DET1: variants seen among roughly 807,000 people sequenced by gnomAD.
The protein encoded by DET1 is DET1 partner of COP1 E3 ubiquitin ligase, also known as DET1 homolog.
In DET1, 22 loss-of-function variants were observed where a neutral mutation model predicts 43.7. The ratio of observed to expected loss-of-function variants is 0.50; its 90% confidence interval spans 0.36 to 0.72. The LOEUF (loss-of-function observed/expected upper bound fraction) is 0.72, where lower values mean the gene tolerates loss of function less well. DET1 is among the 30% of genes least tolerant of loss of function. The pLI is 0.00. For missense variants in DET1, 713 were observed against 713.3 expected, an observed-to-expected ratio of 1.00 and a Z score of 0.00; for synonymous variants, 315 against 266.2, an observed-to-expected ratio of 1.18 and a Z score of -1.79.
chr15:88,531,267 A>G lies in DET1; in HGVS notation c.439T>C (p.Phe147Leu). The G allele has an allele frequency of 6.2e-7, 1 of 1,613,906 alleles. No homozygotes were observed. Among genetic ancestry groups the G allele is most frequent in the Non-Finnish European group, 8.5e-7 (1 of 1,179,860 alleles). ...GEHLNRECSLFTDDCRCVIVG... is the reference protein window; with the variant it reads ...GEHLNRECSLLTDDCRCVIVG... ...ATGACACAGCGGCAGTCATCAGTGA[A>G]GAGACTACACTCCCGGTTCAGGTGC... Residue 147 changes from phenylalanine to leucine, a missense_variant, in exon 2 of 5, where the codon TTC (phenylalanine) becomes CTC (leucine). Phe to Leu is a conservative substitution (Grantham distance 22). Coordinates refer to ENST00000268148, the MANE Select transcript of DET1 (RefSeq NM_001144074.3). The surrounding 1 kb of genome is among the most constrained non-coding windows in gnomAD (Gnocchi z 6.2).
At chr15:88,515,411 C>T (rs1039335015) in intron 4 of DET1, among the ~76,000 whole-genome samples, 10 of 151,154 alleles carry the variant, frequency 6.6e-5, no homozygotes, top group African/African-American at 1.9e-4. Context: ...TGGTGGTGGG[C>T]GCCTGTAATC....
intron 1 of DET1, among the ~76,000 whole-genome samples, chr15:88,534,538 C>A (rs980181560): frequency 2.6e-5 from 4 of 152,140 alleles, no homozygotes; most frequent in African/African-American, 9.7e-5. Context: ...CCAGAAGGTA[C>A]TGGGGAGATA....
At chr15:88,536,488 G>C (rs2056954066) in intron 1 of DET1, 2 of 556,820 alleles carry the variant, frequency 3.6e-6, no homozygotes, top group East Asian at 3.2e-5. Flanking sequence ...AAGTAAAAGA[G>C]GAACAAACTG....
At chr15:88,524,039 T>C (rs573094890) in intron 3 of DET1, among the ~76,000 whole-genome samples, 9 of 144,602 alleles carry the variant, frequency 6.2e-5, no homozygotes, top group Non-Finnish European at 1.0e-4. Context: ...GTGAGGAGCG[T>C]CTCTGCCCGG....
At chr15:88,511,860 C>A (rs2056205618), downstream of DET1, among the ~76,000 whole-genome samples, 1 of 152,236 alleles carries the variant, frequency 6.6e-6, no homozygotes, top group Non-Finnish European at 1.5e-5. Context: ...CAGGGTCCAG[C>A]TGTTTGCATC....
rs55764530 is a variant in DET1 at position 88,522,512 on chromosome 15, G to GTTTTTTTT, written c.1271+5079_1271+5086dup. ...TCTCATTGTTCTAGGAATGTTCCTG[G>GTTTTTTTT]TTTTTTTTTTTTTTTGAGTTGGAGT... is the stretch of plus-strand genomic sequence containing the variant. On this transcript the variant is annotated intron_variant, in intron 3 of 4. Transcript: ENST00000268148. 2.7e-4 allele frequency among the ~76,000 whole-genome samples: 22 copies of GTTTTTTTT among 80,300 alleles called. 2 individuals are homozygous for GTTTTTTTT. The highest frequency in any genetic ancestry group is 9.9e-4 in the African/African-American group (19 of 19,150). 52.7% of individuals were successfully genotyped at this position (80,300 alleles called of 152,430 possible). A position where few individuals can be genotyped will look rare whatever the true frequency, so the allele number is the denominator to read the frequency against.
At chr15:88,544,150 C>T (rs2057184752) in intron 1 of DET1, among the ~76,000 whole-genome samples, 1 of 152,202 alleles carries the variant, frequency 6.6e-6, no homozygotes, top group Non-Finnish European at 1.5e-5. Flanking sequence ...GCCTTCACCT[C>T]GTCCATAGCT....
chr15:88,524,135 C>T (rs1164462347), intron 3 of DET1, among the ~76,000 whole-genome samples: 16 of 151,576 alleles, frequency 1.1e-4, no homozygotes, highest in Admixed American at 3.9e-4. Flanking sequence ...GCCGCCCCGT[C>T]GGGGATGTAA....
At chr15:88,542,469 C>T (rs565675210) in intron 1 of DET1, among the ~76,000 whole-genome samples, 22 of 152,274 alleles carry the variant, frequency 1.4e-4, no homozygotes, top group African/African-American at 5.3e-4. Flanking sequence ...AGGCTTATCG[C>T]ATTTATACTC....
intron 3 of DET1, among the ~76,000 whole-genome samples, chr15:88,522,512 G>T (rs1186170921): frequency 1.4e-4 from 11 of 80,294 alleles, no homozygotes; most frequent in African/African-American, 2.1e-4. Context: ...AATGTTCCTG[G>T]TTTTTTTTTT....
At chr15:88,542,842 T>A (rs1301869610) in intron 1 of DET1, among the ~76,000 whole-genome samples, 1 of 152,106 alleles carries the variant, frequency 6.6e-6, no homozygotes, top group East Asian at 1.9e-4. Context: ...AAAAGACCAA[T>A]GTGCCTATTG....
At chr15:88,506,107 CAG>C (rs886965733) in intron 7 of DET1, among the ~76,000 whole-genome samples, 2 of 152,186 alleles carry the variant, frequency 1.3e-5, no homozygotes, top group African/African-American at 4.8e-5. Context: ...AAGAGATTTA[CAG>C]AGAGGGGAGA....
chr15:88,505,000 G>A lies in DET1; in HGVS notation c.*2066-1013C>T, dbSNP rs982866704. 1 of 152,176 alleles carries A rather than the reference G, an allele frequency of 6.6e-6. No individual in the cohort carries two copies. Among genetic ancestry groups the A allele is most frequent in the Non-Finnish European group, 1.5e-5 (1 of 68,036 alleles). The allele number at this position is 152,176 out of a possible 1,614,324, so 9.4% of individuals were successfully genotyped here. ...CTTCCCATAGTTGATTAAGACAAAT[G>A]CCAGTACCTTTAAGATATACGTATT... On this transcript the variant is annotated intron_variant and NMD_transcript_variant, in intron 7 of 8. Coordinates refer to the DET1 transcript ENST00000557842. This position sits in a 1 kb window ranked among gnomAD's most constrained non-coding sequence, Gnocchi z 4.7.
In DET1 at chr15:88,531,189, C is replaced by A; in HGVS notation, c.517G>T (p.Val173Leu). The A allele has an allele frequency of 8.1e-6, 13 of 1,613,746 alleles. No homozygotes were observed. The highest frequency in any genetic ancestry group is 4.2e-6 in the Non-Finnish European group (5 of 1,179,800). ...PDEPHPPFFE[V>L]YRNSESVTPN... Reference sequence around the variant, plus strand: ...GTCACTGATTCACTGTTCCGATATACCTCAAAAAATGGAGGGTGAGGCTCA... The same window carrying A: ...GTCACTGATTCACTGTTCCGATATAACTCAAAAAATGGAGGGTGAGGCTCA... Residue 173 changes from valine to leucine, a missense_variant, in exon 2 of 5, where the codon GTA becomes TTA. Coordinates refer to ENST00000268148, the MANE Select transcript of DET1 (RefSeq NM_001144074.3). The surrounding 1 kb of genome is among the most constrained non-coding windows in gnomAD (Gnocchi z 6.2).
At chr15:88,521,603 A>T (rs1187347586) in intron 3 of DET1, among the ~76,000 whole-genome samples, 1 of 152,080 alleles carries the variant, frequency 6.6e-6, no homozygotes, top group African/African-American at 2.4e-5. Flanking sequence ...GGTACATGAG[A>T]GGTAATCTTT....
chr15:88,526,526 G>T (rs1444967953), intron 3 of DET1, among the ~76,000 whole-genome samples: 2 of 148,924 alleles, frequency 1.3e-5, no homozygotes. Flanking sequence ...GATTTGTAAA[G>T]GGACTCCAGG....
chr15:88,503,574 G>C (rs1374950680), intron 8 of DET1: 1 of 152,182 alleles, frequency 6.6e-6, no homozygotes, highest in Non-Finnish European at 1.5e-5. Flanking sequence ...TCTAAGGTCA[G>C]TTTCCTTATC....
chr15:88,502,253 T>A (rs775841622), intron 8 of DET1: 16 of 152,210 alleles, frequency 1.1e-4, no homozygotes, highest in Non-Finnish European at 2.1e-4. Flanking sequence ...AGAGACTGAA[T>A]CTAAAGATTA....
intron 1 of DET1, among the ~76,000 whole-genome samples, chr15:88,539,557 G>A (rs2057047659): frequency 6.6e-6 from 1 of 151,158 alleles, no homozygotes; most frequent in Non-Finnish European, 1.5e-5. Context: ...TTATTGTCTT[G>A]TTTAGTGGTT....
Sources: gnomAD v4.1 joint callset for allele counts (sites outside exome capture counted in the v4.1 genomes callset) on GRCh38, gnomAD v4.1.1 for gene constraint, Gnocchi (gnomAD v3.1) non-coding constraint, MANE v1.5 for transcripts, NCBI Gene and HGNC (gene_info 2026-07-23, HGNC 2026-07-21) for gene names.